The following MKNK2 variants were observed in gnomAD, a reference collection of about 807,000 sequenced individuals.
The protein encoded by MKNK2 is MAPK interacting serine/threonine kinase 2.
MKNK2 carries 54 observed loss-of-function variants against 55.0 expected under a neutral mutation model. The observed-to-expected ratio is 0.98, with a 90% CI of 0.79 to 1.23. The LOEUF (loss-of-function observed/expected upper bound fraction) is 1.23. MKNK2 is among the 50% of genes most tolerant of loss of function. The probability of loss-of-function intolerance (pLI) is 0.00; values close to 1 mark genes in which losing one functional copy is unlikely to be tolerated. For missense variants in MKNK2, 685 were observed against 632.1 expected, an observed-to-expected ratio of 1.08 and a Z score of -0.90; for synonymous variants, 323 against 256.0, an observed-to-expected ratio of 1.26 and a Z score of -2.50.
chr19:2,050,734 G>C (rs1224676432), intron 2 of MKNK2, 67 bp downstream of exon 2: 2 of 1,446,862 alleles, frequency 1.4e-6, no homozygotes, highest in Non-Finnish European at 1.9e-6. Context: ...GGCGGGCCCC[G>C]CGCCCCCCAC....
At position 2,040,161 on chromosome 19, in the gene MKNK2, G is replaced by C; in HGVS notation, c.1127C>G (p.Thr376Ser). The part of the protein sequence containing the change: ...PWVQGCAPEN[T>S]LPTPMVLQRN... ...CTGCAGGACCATGGGAGTGGGCAAG[G>C]TGTTCTCCGGGGCGCACTGCAACGA... Residue 376 changes from threonine (T) to serine (S), a missense_variant, in exon 13 of 14, where the codon ACC becomes AGC. Physicochemically the swap from Thr to Ser is moderately conservative, Grantham distance 58. Transcript: ENST00000250896. 6.3e-7 allele frequency: 1 copy of C among 1,591,326 alleles called. No homozygotes were observed. Among genetic ancestry groups the C allele is most frequent in the Non-Finnish European group, 8.5e-7 (1 of 1,170,782 alleles).
intron 5 of MKNK2, 107 bp from the exon 6 acceptor site, chr19:2,043,689 T>A (rs2016941171): frequency 2.0e-6 from 2 of 1,011,674 alleles, no homozygotes; most frequent in African/African-American, 1.6e-5. Context: ...CTTAACGCCC[T>A]GCAACTCTAG....
chr19:2,039,626 C>A lies in MKNK2; in HGVS notation c.1385G>T (p.Gly462Val), dbSNP rs1224671934. ...SLSSAPVVLVGDHA is the reference protein window; with the variant it reads ...SLSSAPVVLVVDHA Reference sequence around the variant, plus strand: ...GAGATGGGAGGGTCAGGCGTGGTCTCCCACCAGGACCACTGGGGCCGAGGA... The same window carrying A: ...GAGATGGGAGGGTCAGGCGTGGTCTACCACCAGGACCACTGGGGCCGAGGA... The change falls in exon 14 of 14, where the codon GGA (glycine) becomes GTA (valine). Residue 462 changes from glycine (G) to valine (V), a missense_variant. Gly to Val is a moderately radical substitution (Grantham distance 109). Transcript: ENST00000250896. The A allele has an allele frequency of 1.2e-6, 2 of 1,611,994 alleles. No homozygotes were observed. Among genetic ancestry groups the A allele is most frequent in the Non-Finnish European group, 1.7e-6 (2 of 1,179,356 alleles).
At position 2,041,066 on chromosome 19, in the gene MKNK2, C is replaced by T. The variant is rs2016868802; in HGVS notation, c.1084G>A (p.Val362Ile). 1.9e-6 allele frequency: 3 copies of T among 1,613,900 alleles called. No homozygotes were observed. Among genetic ancestry groups the T allele is most frequent in the South Asian group, 1.1e-5 (1 of 91,096 alleles). The change falls in exon 12 of 14, where the codon GTC (valine) becomes ATC (isoleucine). Residue 362 changes from valine to isoleucine, a missense_variant. Val to Ile is a conservative substitution (Grantham distance 29, BLOSUM62 3). Transcript: ENST00000250896. ...DAKQRLSAAQ[V>I]LQHPWVQGCA... is the part of the protein sequence containing the mutation. The stretch of plus-strand genomic sequence containing the variant: ...CCCTGAACCCAGGGGTGCTGCAGGA[C>T]TTGGGCGGCACTCAGCCTCTGCTTG...
Position 2,042,665 on chromosome 19 carries a change from G to A in MKNK2, c.599-3C>T, listed in dbSNP as rs112345263. ...CTTTAGGTCCCTGTGGGCGATGCCT[G>A]GGGGAGAAGCCACAGAACCACGACG... On this transcript the variant is annotated splice_polypyrimidine_tract_variant and splice_region_variant and intron_variant, in intron 8 of 13. Coordinates refer to ENST00000250896, the MANE Select transcript of MKNK2 (RefSeq NM_199054.3). 1 of 1,560,542 alleles carries A rather than the reference G, an allele frequency of 6.4e-7. No homozygotes were observed. Among genetic ancestry groups the A allele is most frequent in the East Asian group, 2.4e-5 (1 of 42,362 alleles).
rs1293756865 is a variant in MKNK2, at chr19:2,039,135, G to A, written c.*478C>T. ...GTGCTCTCAGGGTGAGGGATAGAGGGGAAGAGCCTGTCCCTGAAATACTGC... is the reference window on the plus strand; with the variant it reads ...GTGCTCTCAGGGTGAGGGATAGAGGAGAAGAGCCTGTCCCTGAAATACTGC... On this transcript the variant is annotated 3_prime_UTR_variant, in exon 14 of 14. Transcript: ENST00000250896. 9.1e-6 allele frequency: 9 copies of A among 991,678 alleles called. No homozygotes were observed. In the African/African-American group the frequency reaches 1.2e-4, roughly 13 times the overall value. 61.4% of individuals were successfully genotyped at this position (991,678 alleles called of 1,614,324 possible).
rs747812171 is a variant in MKNK2 at position 2,037,712 on chromosome 19, C to G, written c.*1901G>C. ...ACCGTCCCCCAGCGATGGGAGCTGGCCTGGGGCCCAGGGTCCTCCAGGATC... is the reference window on the plus strand; with the variant it reads ...ACCGTCCCCCAGCGATGGGAGCTGGGCTGGGGCCCAGGGTCCTCCAGGATC... On this transcript the variant is annotated 3_prime_UTR_variant, in exon 14 of 14. Transcript: ENST00000250896. 2.0e-6 allele frequency: 3 copies of G among 1,532,844 alleles called. No homozygotes were observed. The highest frequency in any genetic ancestry group is 2.7e-6 in the Non-Finnish European group (3 of 1,126,586). The allele number at this position is 1,532,844 out of a possible 1,614,324, so 95.0% of individuals were successfully genotyped here. A position where few individuals can be genotyped will look rare whatever the true frequency, so the allele number is the denominator to read the frequency against.
intron 7 of MKNK2, 110 bp downstream of exon 7, chr19:2,043,014 T>G: frequency 7.8e-7 from 1 of 1,288,870 alleles, no homozygotes; most frequent in Non-Finnish European, 1.1e-6. Flanking sequence ...TGAGCCACCA[T>G]TTGGGCAGGA....
intron 5 of MKNK2, among the ~76,000 whole-genome samples, chr19:2,045,782 G>C (rs1446381174): frequency 6.6e-6 from 1 of 152,210 alleles, no homozygotes; most frequent in Non-Finnish European, 1.5e-5. Flanking sequence ...CCAGCCCTTC[G>C]GCCACACCCT....
chr19:2,042,205 C>A, intron 10 of MKNK2, 171 bp from the exon 11 acceptor site: 1 of 726,666 alleles, frequency 1.4e-6, no homozygotes, highest in Non-Finnish European at 2.1e-6. Context: ...GTGCAGAGCT[C>A]GCCCCTCCCC....
chr19:2,045,467 G>A (rs956720913), intron 5 of MKNK2, among the ~76,000 whole-genome samples: 6 of 152,076 alleles, frequency 3.9e-5, no homozygotes, highest in Non-Finnish European at 7.4e-5. Context: ...CCTGCCTGCT[G>A]CCACTGTGGT....
At chr19:2,045,529 C>G (rs1350041704) in intron 5 of MKNK2, among the ~76,000 whole-genome samples, 1 of 152,126 alleles carries the variant, frequency 6.6e-6, no homozygotes, top group Non-Finnish European at 1.5e-5. Flanking sequence ...CTTCTTCCTC[C>G]TTCTCCTCAG....
chr19:2,043,975 CAAAAAAAAAAAAAAAA>C (rs34533507), intron 5 of MKNK2, among the ~76,000 whole-genome samples: 3 of 23,828 alleles, frequency 1.3e-4, no homozygotes, highest in Non-Finnish European at 8.2e-5. Flanking sequence ...GACTTCGCCT[CAAAAAAAAAAAAAAAA>C]AAAAAAAAAA....
At chr19:2,048,798 G>T (rs577532362) in intron 2 of MKNK2, among the ~76,000 whole-genome samples, 48 of 151,914 alleles carry the variant, frequency 3.2e-4, no homozygotes, top group African/African-American at 5.8e-4. Context: ...GGGAAGGAAG[G>T]GGGGGGCTCC....
intron 5 of MKNK2, among the ~76,000 whole-genome samples, chr19:2,044,541 C>T (rs779961153): frequency 6.6e-6 from 1 of 152,100 alleles, no homozygotes; most frequent in Non-Finnish European, 1.5e-5. Context: ...TCTCACTGGG[C>T]GGGTGCCTGG....
chr19:2,038,857 G>T lies in MKNK2; in HGVS notation c.*756C>A. 62 of 985,826 alleles carry T rather than the reference G, an allele frequency of 6.3e-5. No individual in the cohort carries two copies. Among genetic ancestry groups the T allele is most frequent in the Non-Finnish European group, 7.5e-5 (62 of 830,002 alleles). 61.1% of individuals were successfully genotyped at this position (985,826 alleles called of 1,614,324 possible). A position where few individuals can be genotyped will look rare whatever the true frequency, so the allele number is the denominator to read the frequency against. On this transcript the variant is annotated 3_prime_UTR_variant, in exon 14 of 14. Coordinates refer to ENST00000250896, the MANE Select transcript of MKNK2 (RefSeq NM_199054.3). Reference sequence around the variant, plus strand: ...GTCTCAGGCCTTGGTGTGGAGGGGAGGGGCAGCGGCGAGCCCCTGGGGTCA... The same window carrying T: ...GTCTCAGGCCTTGGTGTGGAGGGGATGGGCAGCGGCGAGCCCCTGGGGTCA...
rs889396368 is a variant in MKNK2 at position 2,037,890 on chromosome 19, C to T, written c.*1723G>A. 1.3e-6 allele frequency: 2 copies of T among 1,494,096 alleles called. No individual in the cohort carries two copies. The highest frequency in any genetic ancestry group is 2.8e-5 in the African/African-American group (2 of 71,070). 92.6% of individuals were successfully genotyped at this position (1,494,096 alleles called of 1,614,324 possible). On this transcript the variant is annotated 3_prime_UTR_variant, in exon 14 of 14. Transcript: ENST00000250896. Reference sequence around the variant, plus strand: ...CTGCTAGCCACTCAGCTTTAGAGACCCGATGGCTATGGGCGCCTGCAGCGG... The same window carrying T: ...CTGCTAGCCACTCAGCTTTAGAGACTCGATGGCTATGGGCGCCTGCAGCGG...
intron 5 of MKNK2, 103 bp from the exon 6 acceptor site, chr19:2,043,685 G>T: frequency 1.9e-6 from 2 of 1,032,844 alleles, no homozygotes; most frequent in Non-Finnish European, 2.9e-6. Flanking sequence ...CACACTTAAC[G>T]CCCTGCAACT....
chr19:2,040,865 A>T, intron 12 of MKNK2, 175 bp downstream of exon 12: 2 of 662,854 alleles, frequency 3.0e-6, no homozygotes, highest in South Asian at 3.8e-5. Flanking sequence ...CACCGTGCAC[A>T]GGCGGGCGGT....
Sources: gnomAD v4.1 joint callset for allele counts (sites outside exome capture counted in the v4.1 genomes callset) on GRCh38, gnomAD v4.1.1 for gene constraint, MANE v1.5 for transcripts, NCBI Gene and HGNC (gene_info 2026-07-23, HGNC 2026-07-21) for gene names.